The following ACE variants were observed in gnomAD, a reference collection of about 807,000 sequenced individuals.
ACE encodes the protein angiotensin I converting enzyme.
Under a neutral mutation model 162.3 loss-of-function variants are expected in ACE, and 122 were observed. That is an observed-to-expected ratio of 0.75 (90% CI 0.65 to 0.87). The LOEUF (loss-of-function observed/expected upper bound fraction) is 0.87. Among genes scored for constraint, ACE ranks in the 40% least tolerant of loss-of-function variants. The probability of loss-of-function intolerance (pLI) is 0.00; values close to 1 mark genes in which losing one functional copy is unlikely to be tolerated. For missense variants in ACE, 1,799 were observed against 1,735.1 expected (o/e 1.04, Z -0.65); for synonymous variants, 796 against 720.6 (o/e 1.10, Z -1.68).
rs2030363936 is a variant in ACE, at chr17:63,491,294, A to G, written c.2825A>G (p.Asn942Ser). Reference sequence around the variant, plus strand: ...CTGCCCGTGCCTCCTGAGTTCTGGAACAAGTCGATGCTGGAGAAGCCAACC... The same window carrying G: ...CTGCCCGTGCCTCCTGAGTTCTGGAGCAAGTCGATGCTGGAGAAGCCAACC... The part of the protein sequence containing the change: ...GLLPVPPEFW[N>S]KSMLEKPTDG... The change falls in exon 19 of 25, where the codon AAC becomes AGC. Residue 942 changes from asparagine (N) to serine (S), a missense_variant. Coordinates refer to ENST00000290866, the MANE Select transcript of ACE (RefSeq NM_000789.4). This position sits in a 1 kb window ranked among gnomAD's most constrained non-coding sequence, Gnocchi z 4.4. The G allele has an allele frequency of 6.2e-7, 1 of 1,614,054 alleles. No individual in the cohort carries two copies. The highest frequency in any genetic ancestry group is 8.5e-7 in the Non-Finnish European group (1 of 1,180,044).
Position 63,479,055 on chromosome 17 carries a change from G to T in ACE, c.466G>T (p.Val156Phe), listed in dbSNP as rs745608171. Reference protein sequence around the residue: ...NMSRIYSTAKVCLPNKTATCW... With the variant: ...NMSRIYSTAKFCLPNKTATCW... ...GAGCAGGATCTACTCCACCGCCAAG[G>T]TCTGCCTCCCCAACAAGACTGCCAC... The change falls in exon 3 of 25, where the codon GTC becomes TTC. Residue 156 changes from valine (V) to phenylalanine (F), a missense_variant. Val to Phe is a conservative substitution (Grantham distance 50). Transcript: ENST00000290866. The T allele has an allele frequency of 6.2e-7, 1 of 1,613,574 alleles. No individual in the cohort carries two copies. Among genetic ancestry groups the T allele is most frequent in the East Asian group, 2.2e-5 (1 of 44,828 alleles).
chr17:63,485,204 G>C (rs1175002670), intron 12 of ACE, 32 bp from the exon 13 acceptor site: 1 of 1,613,818 alleles, frequency 6.2e-7, no homozygotes, highest in Non-Finnish European at 8.5e-7. Context: ...GGAGGCAGAG[G>C]TTTGTCTGTT....
Position 63,484,444 on chromosome 17 carries a change from G to A in ACE, c.1824G>A (p.Gln608=), listed in dbSNP as rs761737635. Residue 608 remains glutamine (Q), a synonymous_variant, in exon 12 of 25, where the codon CAG becomes CAA. Coordinates refer to ENST00000290866, the MANE Select transcript of ACE (RefSeq NM_000789.4). The surrounding 1 kb of genome is among the most constrained non-coding windows in gnomAD (Gnocchi z 4.0). ...PLLKYFQPVT[Q]WLQEQNQQNG... is the part of the protein sequence containing the mutation. ...TCAAGTACTTCCAGCCAGTCACCCA[G>A]TGGCTGCAGGAGCAGAACCAGCAGA... is the stretch of plus-strand genomic sequence containing the variant. 6.2e-7 allele frequency: 1 copy of A among 1,612,448 alleles called. No homozygotes were observed. The highest frequency in any genetic ancestry group is 8.5e-7 in the Non-Finnish European group (1 of 1,179,920).
chr17:63,479,970 C>T (rs1339639784), intron 4 of ACE, 58 bp downstream of exon 4: 1 of 1,557,522 alleles, frequency 6.4e-7, no homozygotes, highest in East Asian at 2.4e-5. Context: ...CAGCTGTCTC[C>T]CCAGAGTCCC....
Position 63,477,948 on chromosome 17 carries a change from C to G in ACE, c.267C>G (p.Leu89=). 1.2e-6 allele frequency: 2 copies of G among 1,611,538 alleles called. No individual in the cohort carries two copies. The highest frequency in any genetic ancestry group is 1.7e-6 in the Non-Finnish European group (2 of 1,179,180). ...CCCAATAGGAGGAAGCAGCCCTGCTCAGCCAGGAGTTTGCGGAGGCCTGGG... is the reference window on the plus strand; with the variant it reads ...CCCAATAGGAGGAAGCAGCCCTGCTGAGCCAGGAGTTTGCGGAGGCCTGGG... ...NARRQEEAAL[L]SQEFAEAWGQ... Residue 89 remains leucine (L), a synonymous_variant, in exon 2 of 25, where the codon CTC becomes CTG. Coordinates refer to ENST00000290866, the MANE Select transcript of ACE (RefSeq NM_000789.4).
At position 63,484,456 on chromosome 17, in the gene ACE, G is replaced by A; in HGVS notation, c.1836G>A (p.Glu612=). Reference sequence around the variant, plus strand: ...AGCCAGTCACCCAGTGGCTGCAGGAGCAGAACCAGCAGAACGGCGAGGTCC... The same window carrying A: ...AGCCAGTCACCCAGTGGCTGCAGGAACAGAACCAGCAGAACGGCGAGGTCC... ...YFQPVTQWLQ[E]QNQQNGEVLG... is the part of the protein sequence containing the mutation. Residue 612 remains glutamate (E), a synonymous_variant, in exon 12 of 25, where the codon GAG becomes GAA. Coordinates refer to ENST00000290866, the MANE Select transcript of ACE (RefSeq NM_000789.4). The surrounding 1 kb of genome is among the most constrained non-coding windows in gnomAD (Gnocchi z 4.0). 3.7e-6 allele frequency: 6 copies of A among 1,612,050 alleles called. No homozygotes were observed. The highest frequency in any genetic ancestry group is 5.1e-6 in the Non-Finnish European group (6 of 1,179,848).
intron 22 of ACE, 108 bp downstream of exon 22, chr17:63,494,578 G>A (rs981717277): frequency 1.5e-5 from 16 of 1,042,420 alleles, no homozygotes; most frequent in East Asian, 1.3e-4. Context: ...GGGCAGACCC[G>A]GGGGAGCCGG....
Position 63,484,941 on chromosome 17 carries a change from TG to T in ACE, c.1922-293del. The T allele has an allele frequency of 6.3e-7, 1 of 1,599,122 alleles. No homozygotes were observed. Among genetic ancestry groups the T allele is most frequent in the Non-Finnish European group, 8.5e-7 (1 of 1,173,082 alleles). ...CTGCTCTGCTACGGGCACCCTCTGCTGGTCCCCAGCCAGGAGGCATCCCAAC... is the reference window on the plus strand; with the variant it reads ...CTGCTCTGCTACGGGCACCCTCTGCTGTCCCCAGCCAGGAGGCATCCCAAC... On this transcript the variant is annotated intron_variant, in intron 12 of 24. Coordinates refer to ENST00000290866, the MANE Select transcript of ACE (RefSeq NM_000789.4). The surrounding 1 kb of genome is among the most constrained non-coding windows in gnomAD (Gnocchi z 4.0).
rs1040577967 is a variant in ACE at position 63,480,526 on chromosome 17, T to C, written c.845T>C (p.Leu282Pro). ...AGGGGACCCATCCCTGCTCATCTGCTGGGTAAGGACCTGGCCTCGCCTCCA... is the reference window on the plus strand; with the variant it reads ...AGGGGACCCATCCCTGCTCATCTGCCGGGTAAGGACCTGGCCTCGCCTCCA... ...NLRGPIPAHL[L>P]GDMWAQSWEN... Residue 282 changes from leucine (L) to proline (P), a missense_variant and splice_region_variant, in exon 5 of 25, where the codon CTG becomes CCG. Coordinates refer to ENST00000290866, the MANE Select transcript of ACE (RefSeq NM_000789.4). The C allele has an allele frequency of 1.9e-6, 3 of 1,613,650 alleles. No individual in the cohort carries two copies. Among genetic ancestry groups the C allele is most frequent in the Middle Eastern group, 1.6e-4 (1 of 6,062 alleles).
rs2030852062 is a variant in ACE, at chr17:63,497,596, A to G, written c.*230A>G. 4.3e-6 allele frequency: 3 copies of G among 699,968 alleles called. No individual in the cohort carries two copies. Among genetic ancestry groups the G allele is most frequent in the Non-Finnish European group, 7.8e-6 (3 of 383,834 alleles). 43.4% of individuals were successfully genotyped at this position (699,968 alleles called of 1,614,324 possible). ...CACCTCTCCAAGTCTCTCTGTGAAT[A>G]CAATTAAAGGTCCTGCCCTCCCCAT... On this transcript the variant is annotated 3_prime_UTR_variant, in exon 25 of 25. Coordinates refer to ENST00000290866, the MANE Select transcript of ACE (RefSeq NM_000789.4).
intron 2 of ACE, chr17:63,478,731 C>A (rs1389479924): frequency 1.9e-6 from 1 of 523,136 alleles, no homozygotes; most frequent in East Asian, 3.5e-5. Flanking sequence ...TGGGAGGGAT[C>A]TGCCCTCACT....
Position 63,478,141 on chromosome 17 carries a change from T to C in ACE, c.417+43T>C, listed in dbSNP as rs374143795. On this transcript the variant is annotated intron_variant, in intron 2 of 24. Transcript: ENST00000290866. ...GCAGAGCTCGGGGGCGGCCTCCTAG[T>C]GCCCCATCGTGGGGGTCGGGGGAGA... 1.9e-6 allele frequency: 3 copies of C among 1,550,402 alleles called. No homozygotes were observed. In the African/African-American group the frequency reaches 4.1e-5, roughly 21 times the overall value.
rs4365 is a variant in ACE, at chr17:63,497,351, G to A, written c.3906G>A (p.Glu1302=). Residue 1302 remains glutamate (E), a synonymous_variant, in exon 25 of 25, where the codon GAG becomes GAA. Coordinates refer to ENST00000290866, the MANE Select transcript of ACE (RefSeq NM_000789.4). ...SHGPQFGSEV[E]LRHS Reference sequence around the variant, plus strand: ...GGCCCCAGTTCGGCTCCGAGGTGGAGCTGAGACACTCCTGAGGTGACCCGG... The same window carrying A: ...GGCCCCAGTTCGGCTCCGAGGTGGAACTGAGACACTCCTGAGGTGACCCGG... 0.033 allele frequency: 51,866 copies of A among 1,548,442 alleles called. 1,024 individuals carry two copies. The highest frequency in any genetic ancestry group is 0.038 in the Non-Finnish European group (43,320 of 1,146,888).
At chr17:63,478,674 A>T in intron 2 of ACE, 2 of 406,252 alleles carry the variant, frequency 4.9e-6, no homozygotes, top group Non-Finnish European at 9.3e-6. Flanking sequence ...AAAAAAAGAG[A>T]GAGAGAAAAG....
chr17:63,479,812 C>T lies in ACE; in HGVS notation c.555C>T (p.Leu185=). ...CTTCCTCGCGAAGCTACGCCATGCTCCTGTTTGCCTGGGAGGGCTGGCACA... is the reference window on the plus strand; with the variant it reads ...CTTCCTCGCGAAGCTACGCCATGCTTCTGTTTGCCTGGGAGGGCTGGCACA... ...ILASSRSYAM[L]LFAWEGWHNA... Residue 185 remains leucine, a synonymous_variant, in exon 4 of 25, where the codon CTC becomes CTT. Transcript: ENST00000290866. 6.2e-7 allele frequency: 1 copy of T among 1,613,454 alleles called. No homozygotes were observed. The highest frequency in any genetic ancestry group is 2.2e-5 in the East Asian group (1 of 44,888).
Position 63,494,003 on chromosome 17 carries a change from G to T in ACE, c.3218G>T (p.Arg1073Leu), listed in dbSNP as rs141139841. The T allele has an allele frequency of 2.5e-6, 4 of 1,613,998 alleles. No homozygotes were observed. The highest frequency in any genetic ancestry group is 3.4e-6 in the Non-Finnish European group (4 of 1,180,042). The change falls in exon 21 of 25, where the codon CGC (arginine) becomes CTC (leucine). Residue 1073 changes from arginine to leucine, a missense_variant. By Grantham distance (102) the Arg-to-Leu change is moderately radical. Transcript: ENST00000290866. ...TTCAGCTACCTCGTCGATCAGTGGC[G>T]CTGGAGGGTATTTGATGGAAGCATC... ...IPFSYLVDQWRWRVFDGSITK... is the reference protein window; with the variant it reads ...IPFSYLVDQWLWRVFDGSITK...
In ACE at chr17:63,479,179, G is replaced by T. The variant is rs537657120; in HGVS notation, c.511+79G>T. The T allele has an allele frequency of 4.8e-5, 57 of 1,199,200 alleles. No individual in the cohort carries two copies. The African/African-American group carries it at 8.1e-4, about 17-fold the overall frequency. 74.3% of individuals were successfully genotyped at this position (1,199,200 alleles called of 1,614,324 possible). On this transcript the variant is annotated intron_variant, in intron 3 of 24. Coordinates refer to ENST00000290866, the MANE Select transcript of ACE (RefSeq NM_000789.4). Reference sequence around the variant, plus strand: ...CTGCTGCACTCCAGACCATGCAGTTGTGTAGGGTCTGTGGAGACAGCAGGT... The same window carrying T: ...CTGCTGCACTCCAGACCATGCAGTTTTGTAGGGTCTGTGGAGACAGCAGGT...
At chr17:63,492,554 T>A (rs757157379) in intron 19 of ACE, among the ~76,000 whole-genome samples, 1 of 152,184 alleles carries the variant, frequency 6.6e-6, no homozygotes, top group Admixed American at 6.5e-5. Context: ...TCTTCCCTTT[T>A]ATGGGGAGTC....
intron 19 of ACE, 72 bp from the exon 20 acceptor site, chr17:63,493,364 C>T (rs2030505964): frequency 7.0e-7 from 1 of 1,432,574 alleles, no homozygotes; most frequent in South Asian, 1.2e-5. Context: ...TAGCAAGGCC[C>T]ACTGTTCCCT....
Sources: allele counts gnomAD v4.1 joint callset (sites outside exome capture counted in the v4.1 genomes callset), GRCh38; gene constraint gnomAD v4.1.1; non-coding constraint Gnocchi (gnomAD v3.1); transcripts MANE v1.5; gene names NCBI Gene and HGNC (gene_info 2026-07-23, HGNC 2026-07-21).